TESMIN: variants seen among roughly 807,000 people sequenced by gnomAD.
TESMIN encodes the protein CXC domain containing 2.
TESMIN carries 34 observed loss-of-function variants against 47.4 expected under a neutral mutation model. The ratio of observed to expected loss-of-function variants is 0.72; its 90% CI spans 0.55 to 0.96. The LOEUF is 0.96. TESMIN is among the 40% of genes least tolerant of loss of function. TESMIN has a pLI of 0.00. For synonymous variants in TESMIN, 278 were observed against 258.9 expected (o/e 1.07, Z -0.71); for missense variants, 610 against 637.2 (o/e 0.96, Z 0.46).
At position 68,713,276 on chromosome 11, in the gene TESMIN, G is replaced by T. The variant is rs1330605010; in HGVS notation, c.1152C>A (p.Cys384Ter). The T allele has an allele frequency of 1.2e-6, 2 of 1,614,022 alleles. No individual in the cohort carries two copies. The highest frequency in any genetic ancestry group is 1.7e-6 in the Non-Finnish European group (2 of 1,179,946). Residue 384 changes from cysteine (C) to a stop codon, truncating the protein, a stop_gained, in exon 8 of 10, where the codon TGC becomes TGA. Coordinates refer to ENST00000255087, the MANE Select transcript of TESMIN (RefSeq NM_004923.3). LOFTEE classifies it high-confidence loss of function. The part of the protein sequence containing the change: ...RSGCLKNYCE[C>*]YEAQIMCSSI... Reference sequence around the variant, plus strand: ...TAGGGAGCTGGGCACTAACCTCATAGCACTCGCAGTAATTCTTCAGGCAGC... The same window carrying T: ...TAGGGAGCTGGGCACTAACCTCATATCACTCGCAGTAATTCTTCAGGCAGC...
chr11:68,711,085 T>C, intron 8 of TESMIN, 36 bp from the exon 9 acceptor site: 1 of 1,522,840 alleles, frequency 6.6e-7, no homozygotes, highest in Non-Finnish European at 8.9e-7. Context: ...AATTAGGTTG[T>C]CTCACAAGTC....
At position 68,736,274 on chromosome 11, in the gene TESMIN, A is replaced by G. The variant is rs770527821; in HGVS notation, c.917+2426T>C. The stretch of plus-strand genomic sequence containing the variant: ...GTGTCAGGACAAGGATTTGTATTAA[A>G]GAGTTTTTATTAATATGATAAGCTA... On this transcript the variant is annotated intron_variant, in intron 6 of 9. Transcript: ENST00000255087. The G allele has an allele frequency of 1.3e-4, 127 of 985,422 alleles. No homozygotes were observed. The Middle Eastern group carries it at 3.7e-3, about 28-fold the overall frequency. The allele number at this position is 985,422 out of a possible 1,614,324, so 61.0% of individuals were successfully genotyped here.
intron 6 of TESMIN, among the ~76,000 whole-genome samples, chr11:68,728,398 C>A (rs1594292936): frequency 6.6e-6 from 1 of 152,178 alleles, no homozygotes; most frequent in Admixed American, 6.5e-5. Context: ...GGAAGCTGTA[C>A]ATCAAAAATT....
rs779559875 is a variant in TESMIN at position 68,713,411 on chromosome 11, G to C, written c.1021-4C>G. ...CTGGATTTCTACCAAGACATGCCTA[G>C]GGTAGAATGGGAAGCTCCATCAGGA... On this transcript the variant is annotated splice_region_variant and splice_polypyrimidine_tract_variant and intron_variant, in intron 7 of 9. Transcript: ENST00000255087. 9 of 1,613,734 alleles carry C rather than the reference G, an allele frequency of 5.6e-6. No homozygotes were observed. The South Asian group carries it at 9.9e-5, about 18-fold the overall frequency.
At chr11:68,705,920 G>A (rs1298458248), downstream of TESMIN, among the ~76,000 whole-genome samples, 1 of 151,534 alleles carries the variant, frequency 6.6e-6, no homozygotes, top group Non-Finnish European at 1.5e-5. Flanking sequence ...CTACTCAGGA[G>A]GCTGAGGCAG....
chr11:68,738,773 GT>G lies in TESMIN; in HGVS notation c.843del (p.Leu281PhefsTer4). On this transcript the variant is annotated frameshift_variant, in exon 6 of 10. Coordinates refer to ENST00000255087, the MANE Select transcript of TESMIN (RefSeq NM_004923.3). LOFTEE classifies it high-confidence loss of function. ...NLITQQLEGALPSVVNGSAFP... is the reference protein window; with the variant it reads ...NLITQQLEGAXPSVVNGSAFP... ...AAAGCAGACCCGTTGACTACCGATG[GT>G]AAGGCTCCCTCAAGCTGTTCAAAGT... is the stretch of plus-strand genomic sequence containing the variant. The G allele has an allele frequency of 1.9e-6, 3 of 1,613,920 alleles. No individual in the cohort carries two copies. The East Asian group carries it at 6.7e-5, about 36-fold the overall frequency.
chr11:68,707,602 A>C lies in TESMIN; in HGVS notation c.*706T>G. The C allele has an allele frequency of 8.4e-6, 2 of 238,140 alleles. No homozygotes were observed. Among genetic ancestry groups the C allele is most frequent in the Non-Finnish European group, 1.8e-5 (2 of 112,094 alleles). The allele number at this position is 238,140 out of a possible 1,614,324, so 14.8% of individuals were successfully genotyped here. A position where few individuals can be genotyped will look rare whatever the true frequency, so the allele number is the denominator to read the frequency against. The stretch of plus-strand genomic sequence containing the variant: ...CAATAATTATGGAGAAGTTAATTGG[A>C]TAATAGAGCTTTTCCACAATTCAAG... On this transcript the variant is annotated 3_prime_UTR_variant, in exon 10 of 10. Transcript: ENST00000255087.
At chr11:68,707,182 T>C (rs1007905098), downstream of TESMIN, among the ~76,000 whole-genome samples, 3 of 152,352 alleles carry the variant, frequency 2.0e-5, no homozygotes, top group South Asian at 2.1e-4. Flanking sequence ...TGTGGCTGTG[T>C]TTGCAACTAG....
intron 4 of TESMIN, among the ~76,000 whole-genome samples, chr11:68,743,411 A>AT (rs200797518): frequency 8.7e-5 from 13 of 149,594 alleles, no homozygotes; most frequent in South Asian, 2.1e-4. Flanking sequence ...AGCCCAGCTC[A>AT]TTTTTTTTTG....
chr11:68,718,567 A>G (rs1946169227), intron 6 of TESMIN, among the ~76,000 whole-genome samples: 1 of 152,194 alleles, frequency 6.6e-6, no homozygotes. Context: ...TGAAGGGGAT[A>G]CAATAATTCC....
At chr11:68,712,168 G>A (rs549168842) in intron 8 of TESMIN, among the ~76,000 whole-genome samples, 1 of 152,270 alleles carries the variant, frequency 6.6e-6, no homozygotes, top group African/African-American at 2.4e-5. Flanking sequence ...TGTGGGCTGT[G>A]CCCAGCATAG....
intron 6 of TESMIN, among the ~76,000 whole-genome samples, chr11:68,720,372 T>A (rs1946190938): frequency 6.6e-6 from 1 of 152,194 alleles, no homozygotes; most frequent in Admixed American, 6.5e-5. Flanking sequence ...GCTGTCCACA[T>A]GTGCTCTTAT....
chr11:68,733,196 T>A (rs1946349378), intron 6 of TESMIN, among the ~76,000 whole-genome samples: 1 of 152,176 alleles, frequency 6.6e-6, no homozygotes. Flanking sequence ...CGACTCCACG[T>A]GACAATTGGC....
At chr11:68,722,672 A>G (rs557038741) in intron 6 of TESMIN, among the ~76,000 whole-genome samples, 4 of 152,224 alleles carry the variant, frequency 2.6e-5, no homozygotes, top group Admixed American at 6.5e-5. Flanking sequence ...AGACACACCT[A>G]AAACAAAACT....
rs1324269267 is a variant in TESMIN at position 68,710,932 on chromosome 11, C to T, written c.1276G>A (p.Gly426Ser). ...PNYMQTGGLE[G>S]SHYLPPTKFS... ...TTCGTTGGTGGCAGGTAATGGCTGCCTTCCAAACCTCCAGTCTGCATGTAG... is the reference window on the plus strand; with the variant it reads ...TTCGTTGGTGGCAGGTAATGGCTGCTTTCCAAACCTCCAGTCTGCATGTAG... Residue 426 changes from glycine (G) to serine (S), a missense_variant, in exon 9 of 10, where the codon GGC (glycine) becomes AGC (serine). By Grantham distance (56) the Gly-to-Ser change is moderately conservative (BLOSUM62 0). Transcript: ENST00000255087. The T allele has an allele frequency of 1.2e-6, 2 of 1,614,056 alleles. No individual in the cohort carries two copies. Among genetic ancestry groups the T allele is most frequent in the Non-Finnish European group, 1.7e-6 (2 of 1,180,002 alleles).
chr11:68,744,877 C>A (rs1946498917), intron 4 of TESMIN, 114 bp downstream of exon 4: 3 of 897,802 alleles, frequency 3.3e-6, no homozygotes, highest in African/African-American at 1.7e-5. Flanking sequence ...ACGAGGTTTG[C>A]CAAATTTCCT....
chr11:68,707,537 T>C lies in TESMIN; in HGVS notation c.*771A>G. Reference sequence around the variant, plus strand: ...TTACCTGCTGGTTTCCACAAGCTAGTTATGTGAACCATGTTTTACAAACAA... The same window carrying C: ...TTACCTGCTGGTTTCCACAAGCTAGCTATGTGAACCATGTTTTACAAACAA... On this transcript the variant is annotated 3_prime_UTR_variant, in exon 10 of 10. Transcript: ENST00000255087. The C allele has an allele frequency of 5.4e-6, 1 of 186,882 alleles. No homozygotes were observed. The highest frequency in any genetic ancestry group is 1.2e-4 in the East Asian group (1 of 8,464). The allele number at this position is 186,882 out of a possible 1,614,324, so 11.6% of individuals were successfully genotyped here. A position where few individuals can be genotyped will look rare whatever the true frequency, so the allele number is the denominator to read the frequency against.
At position 68,710,947 on chromosome 11, in the gene TESMIN, T is replaced by C; in HGVS notation, c.1261A>G (p.Thr421Ala). The change falls in exon 9 of 10, where the codon ACT becomes GCT. Residue 421 changes from threonine to alanine, a missense_variant. Thr to Ala is a moderately conservative substitution (Grantham distance 58). Transcript: ENST00000255087. ...TLMSMPNYMQTGGLEGSHYLP... is the reference protein window; with the variant it reads ...TLMSMPNYMQAGGLEGSHYLP... ...TAATGGCTGCCTTCCAAACCTCCAG[T>C]CTGCATGTAGTTTGGCATGCTCATT... 3 of 1,614,078 alleles carry C rather than the reference T, an allele frequency of 1.9e-6. No individual in the cohort carries two copies. The highest frequency in any genetic ancestry group is 2.7e-5 in the African/African-American group (2 of 75,048).
At chr11:68,743,685 A>G (rs1348806267) in intron 4 of TESMIN, among the ~76,000 whole-genome samples, 3 of 152,180 alleles carry the variant, frequency 2.0e-5, no homozygotes, top group African/African-American at 7.2e-5. Flanking sequence ...GTGCCATGAA[A>G]AACATTCTTG....
Sources: gnomAD v4.1 joint callset for allele counts (sites outside exome capture counted in the v4.1 genomes callset) on GRCh38, gnomAD v4.1.1 for gene constraint, MANE v1.5 for transcripts, NCBI Gene and HGNC (gene_info 2026-07-23, HGNC 2026-07-21) for gene names.